The following CMC2 variants were observed in gnomAD, a reference collection of about 807,000 sequenced individuals.
The protein encoded by CMC2 is C-X9-C motif containing 2.
Under a neutral mutation model 7.5 loss-of-function variants are expected in CMC2, and 5 were observed. The ratio of observed to expected loss-of-function variants is 0.66; its 90% CI spans 0.35 to 1.40. The LOEUF is 1.40. Ranked by LOEUF, CMC2 falls within the 40% of genes most tolerant of loss-of-function variation. The probability of loss-of-function intolerance (pLI) is 0.04; values close to 1 mark genes in which losing one functional copy is unlikely to be tolerated. For synonymous variants in CMC2, 37 were observed against 31.4 expected (o/e 1.18, Z -0.60); for missense variants, 115 against 92.3 (o/e 1.25, Z -1.01).
chr16:80,984,222 T>G (rs1967350353), intron 2 of CMC2: 1 of 152,222 alleles, frequency 6.6e-6, no homozygotes, highest in Non-Finnish European at 1.5e-5. Context: ...GGAACATAAT[T>G]AGTGTGTTTG....
intron 2 of CMC2, among the ~76,000 whole-genome samples, chr16:80,986,553 C>T (rs957209597): frequency 6.6e-6 from 1 of 152,032 alleles, no homozygotes; most frequent in African/African-American, 2.4e-5. Flanking sequence ...GAAAACAAAA[C>T]CGCCAGGAGA....
intron 1 of CMC2, among the ~76,000 whole-genome samples, chr16:81,001,941 A>T (rs1261265956): frequency 1.3e-5 from 2 of 152,168 alleles, no homozygotes; most frequent in African/African-American, 2.4e-5. Context: ...AAATGCAGCC[A>T]AGTTTAAATT....
At chr16:81,004,312 A>G (rs2043664558) in intron 1 of CMC2, among the ~76,000 whole-genome samples, 1 of 152,238 alleles carries the variant, frequency 6.6e-6, no homozygotes, top group South Asian at 2.1e-4. Flanking sequence ...CCAGTGAAAT[A>G]GAGAGGGATA....
Position 80,981,150 on chromosome 16 carries a change from T to C in CMC2, c.153+656A>G, listed in dbSNP as rs1967084706. Among the ~76,000 whole-genome samples the C allele has an allele frequency of 2.0e-5, 3 of 152,022 alleles. No homozygotes were observed. In the South Asian group the frequency reaches 6.2e-4, roughly 31 times the overall value. On this transcript the variant is annotated intron_variant, in intron 3 of 3. Coordinates refer to ENST00000219400, the MANE Select transcript of CMC2 (RefSeq NM_020188.5). ...GCAAAATTTTAGCCATCATATATTT[T>C]TAAAAGTTCTGGACACAAAAAATCT...
In CMC2 at chr16:80,970,106, T is replaced by C. The variant is rs7206440; in HGVS notation, c.*5987A>G. 26,908 of 152,114 alleles carry C rather than the reference T, an allele frequency of 0.18. 2,832 individuals are homozygous for C. Among genetic ancestry groups the C allele is most frequent in the African/African-American group, 0.3 (12,569 of 41,478 alleles). The allele number at this position is 152,114 out of a possible 1,614,324, so 9.4% of individuals were successfully genotyped here. On this transcript the variant is annotated 3_prime_UTR_variant, in exon 4 of 4. Transcript: ENST00000219400. ...GGTATTTAAATAACTTACCTGACCA[T>C]TGGGAGGGATGAAGAAACTTCAGAG... is the stretch of plus-strand genomic sequence containing the variant.
At chr16:80,979,853 C>A (rs540872647) in intron 3 of CMC2, among the ~76,000 whole-genome samples, 2 of 152,220 alleles carry the variant, frequency 1.3e-5, no homozygotes, top group South Asian at 4.1e-4. Context: ...AACTCCTGAC[C>A]TCAGGTGATC....
At chr16:81,002,834 C>G (rs1027981196) in intron 1 of CMC2, among the ~76,000 whole-genome samples, 2 of 152,186 alleles carry the variant, frequency 1.3e-5, no homozygotes, top group African/African-American at 2.4e-5. Context: ...TAAGGCCCTT[C>G]TACTTTCTTA....
intron 1 of CMC2, among the ~76,000 whole-genome samples, chr16:81,002,386 C>T (rs1297167705): frequency 6.6e-6 from 1 of 152,234 alleles, no homozygotes; most frequent in Non-Finnish European, 1.5e-5. Flanking sequence ...GATGGCACCA[C>T]TGACCTCCAG....
rs1465966735 is a variant in CMC2 at position 80,973,366 on chromosome 16, A to AC, written c.*2726dup. The AC allele has an allele frequency of 6.6e-6, 1 of 151,972 alleles. No homozygotes were observed. Among genetic ancestry groups the AC allele is most frequent in the East Asian group, 1.9e-4 (1 of 5,188 alleles). The allele number at this position is 151,972 out of a possible 1,614,324, so 9.4% of individuals were successfully genotyped here. A position where few individuals can be genotyped will look rare whatever the true frequency, so the allele number is the denominator to read the frequency against. On this transcript the variant is annotated 3_prime_UTR_variant, in exon 4 of 4. Coordinates refer to ENST00000219400, the MANE Select transcript of CMC2 (RefSeq NM_020188.5). Reference sequence around the variant, plus strand: ...AAACTACGGAGGAAGTGTTTCCAATACCCCAATTTGGGTGCACTTGAGAGA... The same window carrying AC: ...AAACTACGGAGGAAGTGTTTCCAATACCCCCAATTTGGGTGCACTTGAGAGA...
Position 80,967,958 on chromosome 16 carries a change from A to G in CMC2, c.*8135T>C, listed in dbSNP as rs1166936868. The G allele has an allele frequency of 6.6e-6, 1 of 152,152 alleles. No homozygotes were observed. The highest frequency in any genetic ancestry group is 2.4e-5 in the African/African-American group (1 of 41,428). 9.4% of individuals were successfully genotyped at this position (152,152 alleles called of 1,614,324 possible). A position where few individuals can be genotyped will look rare whatever the true frequency, so the allele number is the denominator to read the frequency against. On this transcript the variant is annotated 3_prime_UTR_variant, in exon 4 of 4. Transcript: ENST00000219400. ...ATTCTCAACATAATATATCACCAAT[A>G]AGAACTTTTCTCAAAAACTTAAATA... is the stretch of plus-strand genomic sequence containing the variant.
chr16:80,992,215 T>A (rs149290739), intron 2 of CMC2, among the ~76,000 whole-genome samples: 3 of 152,164 alleles, frequency 2.0e-5, no homozygotes, highest in Admixed American at 1.3e-4. Context: ...AAAACAGCTG[T>A]ATAGTGCTCC....
intron 1 of CMC2, among the ~76,000 whole-genome samples, chr16:81,000,429 G>C (rs1009280853): frequency 1.3e-5 from 2 of 152,176 alleles, no homozygotes; most frequent in African/African-American, 4.8e-5. Flanking sequence ...CCAGGAGGCG[G>C]AGGTTGCAGT....
At chr16:80,996,986 G>A in intron 2 of CMC2, 1 of 463,870 alleles carries the variant, frequency 2.2e-6, no homozygotes, top group Non-Finnish European at 4.2e-6. Flanking sequence ...ATTATAATCA[G>A]AAGTGTCAGC....
chr16:80,989,493 T>TA (rs1347214885), intron 2 of CMC2, among the ~76,000 whole-genome samples: 3 of 152,212 alleles, frequency 2.0e-5, no homozygotes, highest in African/African-American at 7.2e-5. Flanking sequence ...CATTCTTTGA[T>TA]AAATGTCATA....
rs1437641816 is a variant in CMC2, at chr16:80,975,031, A to C, written c.*1062T>G. 6.6e-6 allele frequency: 1 copy of C among 152,260 alleles called. No individual in the cohort carries two copies. Among genetic ancestry groups the C allele is most frequent in the Non-Finnish European group, 1.5e-5 (1 of 68,064 alleles). The allele number at this position is 152,260 out of a possible 1,614,324, so 9.4% of individuals were successfully genotyped here. On this transcript the variant is annotated 3_prime_UTR_variant, in exon 4 of 4. Transcript: ENST00000219400. ...CTCACAGCTGAGTCTGTTCCCTGAC[A>C]CCTGACAAGATCAAGCCCCTGCTGT...
At chr16:81,000,352 C>T (rs777536616) in intron 1 of CMC2, among the ~76,000 whole-genome samples, 4 of 151,922 alleles carry the variant, frequency 2.6e-5, no homozygotes, top group African/African-American at 7.3e-5. Flanking sequence ...AAAAATTAGC[C>T]GGGTGTGGTG....
At chr16:80,999,809 C>T (rs2151650084) in intron 1 of CMC2, among the ~76,000 whole-genome samples, 1 of 152,274 alleles carries the variant, frequency 6.6e-6, no homozygotes, top group Non-Finnish European at 1.5e-5. Context: ...AAAGGACTTC[C>T]CATTCAATAA....
Position 80,976,134 on chromosome 16 carries a change from G to A in CMC2, c.199C>T (p.Arg67Ter), listed in dbSNP as rs762821797. The change falls in exon 4 of 4, where the codon CGA becomes TGA. Residue 67 changes from arginine (R) to a stop codon, truncating the protein, a stop_gained. Coordinates refer to ENST00000219400, the MANE Select transcript of CMC2 (RefSeq NM_020188.5). LOFTEE classifies it high-confidence loss of function. ...TCTGGAGGATTAAAAAGTTTCTTTC[G>A]CATTGCAATGCCATGCTCCCTGCTC... ...TKSREHGIAM[R>*]KKLFNPPEES... 76 of 1,609,028 alleles carry A rather than the reference G, an allele frequency of 4.7e-5. No individual in the cohort carries two copies. The highest frequency in any genetic ancestry group is 1.2e-4 in the Admixed American group (7 of 59,846).
intron 2 of CMC2, among the ~76,000 whole-genome samples, chr16:80,994,658 C>T (rs1021998297): frequency 1.3e-5 from 2 of 152,164 alleles, no homozygotes; most frequent in Admixed American, 6.5e-5. Flanking sequence ...TACTACATAT[C>T]CACACAATGG....
Sources: gnomAD v4.1 joint callset for allele counts (sites outside exome capture counted in the v4.1 genomes callset) on GRCh38, gnomAD v4.1.1 for gene constraint, MANE v1.5 for transcripts, NCBI Gene and HGNC (gene_info 2026-07-23, HGNC 2026-07-21) for gene names.